RPTOR: variants seen among roughly 807,000 people sequenced by gnomAD.
RPTOR encodes regulatory-associated protein of mTOR.
In RPTOR, 21 loss-of-function variants were observed where a neutral mutation model predicts 169.9. The observed-to-expected ratio is 0.12, with a 90% CI of 0.09 to 0.18. RPTOR has a LOEUF of 0.18. RPTOR is among the 10% of genes least tolerant of loss of function. RPTOR has a pLI of 1.00. For missense variants in RPTOR, 1,133 were observed against 1,855.9 expected (o/e 0.61, Z 7.16); for synonymous variants, 732 against 753.2 (o/e 0.97, Z 0.46).
At chr17:80,610,152 C>T (rs761139642) in intron 1 of RPTOR, among the ~76,000 whole-genome samples, 1 of 152,106 alleles carries the variant, frequency 6.6e-6, no homozygotes, top group Admixed American at 6.5e-5. Flanking sequence ...CCTTTATCTC[C>T]AGCTCTTCTC....
At chr17:80,900,611 C>G (rs774329914) in intron 20 of RPTOR, among the ~76,000 whole-genome samples, 1 of 152,214 alleles carries the variant, frequency 6.6e-6, no homozygotes, top group East Asian at 1.9e-4. Context: ...CCACTGTGCT[C>G]GACTGGCCTT....
At chr17:80,685,627 A>ATTTTTTTTTTTTTTTTTT (rs1165540456) in intron 3 of RPTOR, among the ~76,000 whole-genome samples, 2 of 30,684 alleles carry the variant, frequency 6.5e-5, no homozygotes, top group Non-Finnish European at 5.4e-5. Context: ...ATATATATAT[A>ATTTTTTTTTTTTTTTTTT]TTTTTTTTTT....
chr17:80,964,291 C>T lies in RPTOR; in HGVS notation c.3969C>T (p.Tyr1323=), dbSNP rs780994948. 13 of 1,608,410 alleles carry T rather than the reference C, an allele frequency of 8.1e-6. No homozygotes were observed. The highest frequency in any genetic ancestry group is 3.3e-4 in the Middle Eastern group (2 of 6,060). ...WPHLAVGSND[Y]YISVYSVEKR... is the part of the protein sequence containing the mutation. ...ACCTGGCCGTGGGAAGCAACGACTA[C>T]TACATCTCCGTGTACTCGGTGGAGA... The change falls in exon 34 of 34, where the codon TAC becomes TAT. Residue 1323 remains tyrosine, a synonymous_variant. Coordinates refer to ENST00000306801, the MANE Select transcript of RPTOR (RefSeq NM_020761.3).
chr17:80,846,617 G>A (rs2143714323), intron 11 of RPTOR, 43 bp downstream of exon 11: 1 of 1,568,892 alleles, frequency 6.4e-7, no homozygotes, highest in Non-Finnish European at 8.8e-7. Flanking sequence ...GGTTCCTCAG[G>A]AAGGAAGCCA....
Position 80,902,493 on chromosome 17 carries a change from A to G in RPTOR, c.2402-6318A>G, listed in dbSNP as rs1159692273. On this transcript the variant is annotated intron_variant, in intron 20 of 33. Coordinates refer to ENST00000306801, the MANE Select transcript of RPTOR (RefSeq NM_020761.3). The stretch of plus-strand genomic sequence containing the variant: ...GCCTGACCCAGTACATCAAAGCATG[A>G]TGTCGCCATTTTTACCACCACAGTC... Among the ~76,000 whole-genome samples the G allele has an allele frequency of 2.0e-5, 3 of 152,186 alleles. No individual in the cohort carries two copies. The East Asian group carries it at 5.8e-4, about 29-fold the overall frequency.
At chr17:80,590,522 T>C (rs55697242) in intron 1 of RPTOR, among the ~76,000 whole-genome samples, 8 of 132,678 alleles carry the variant, frequency 6.0e-5, no homozygotes, top group African/African-American at 1.2e-4. Flanking sequence ...ATGGTTGAGC[T>C]GTGTGTTAGC....
intron 13 of RPTOR, among the ~76,000 whole-genome samples, chr17:80,869,597 A>G: frequency 6.6e-6 from 1 of 152,190 alleles, no homozygotes; most frequent in East Asian, 1.9e-4. Context: ...AGTTGTGAAC[A>G]ATTGGGAGGA....
intron 6 of RPTOR, among the ~76,000 whole-genome samples, chr17:80,758,250 T>C (rs2066700720): frequency 6.6e-6 from 1 of 152,186 alleles, no homozygotes; most frequent in African/African-American, 2.4e-5. Flanking sequence ...GCTGTTGTGT[T>C]CCCAGAGGAC....
intron 5 of RPTOR, among the ~76,000 whole-genome samples, chr17:80,745,736 C>T (rs1315127087): frequency 6.6e-6 from 1 of 152,124 alleles, no homozygotes; most frequent in Non-Finnish European, 1.5e-5. Flanking sequence ...AAAGTGTTAC[C>T]GAGGAGATGC....
chr17:80,612,769 G>A (rs1214916441), intron 1 of RPTOR, among the ~76,000 whole-genome samples: 1 of 152,200 alleles, frequency 6.6e-6, no homozygotes, highest in Non-Finnish European at 1.5e-5. Context: ...TTGGGAGGCT[G>A]AGGTGGGGGC....
chr17:80,743,015 A>C (rs2066500196), intron 5 of RPTOR, among the ~76,000 whole-genome samples: 1 of 151,966 alleles, frequency 6.6e-6, no homozygotes, highest in Non-Finnish European at 1.5e-5. Flanking sequence ...GTTCCTTTCT[A>C]ATTGGTGTTT....
chr17:80,894,250 G>A (rs1444592866), intron 20 of RPTOR, among the ~76,000 whole-genome samples: 4 of 152,196 alleles, frequency 2.6e-5, no homozygotes, highest in Non-Finnish European at 5.9e-5. Flanking sequence ...ACGAGCAACT[G>A]GGGTACAGTA....
intron 3 of RPTOR, among the ~76,000 whole-genome samples, chr17:80,693,674 C>G (rs1209946309): frequency 6.6e-6 from 1 of 152,218 alleles, no homozygotes; most frequent in Non-Finnish European, 1.5e-5. Context: ...ATCTGCCAGC[C>G]CAGACTCTGG....
At chr17:80,688,250 C>G (rs1467390279) in intron 3 of RPTOR, among the ~76,000 whole-genome samples, 2 of 152,128 alleles carry the variant, frequency 1.3e-5, no homozygotes, top group Non-Finnish European at 2.9e-5. Context: ...AGACACTATC[C>G]TCTCCACTCC....
chr17:80,554,769 A>AAAC (rs144728806), intron 1 of RPTOR, among the ~76,000 whole-genome samples: 56,070 of 147,342 alleles, frequency 0.38, 11,079 homozygotes, highest in Middle Eastern at 0.48. Flanking sequence ...AAAACAAAAC[A>AAAC]AACAACAACA....
intron 1 of RPTOR, among the ~76,000 whole-genome samples, chr17:80,600,072 T>G (rs9913181): frequency 0.34 from 51,818 of 152,000 alleles, 9,113 homozygotes; most frequent in African/African-American, 0.41. Context: ...TTCCTAAGGC[T>G]TCAGATTGAG....
intron 6 of RPTOR, among the ~76,000 whole-genome samples, chr17:80,784,964 G>A (rs2066977537): frequency 6.6e-6 from 1 of 152,146 alleles, no homozygotes; most frequent in Non-Finnish European, 1.5e-5. Flanking sequence ...AACCTCAGGT[G>A]ATCCACCCGC....
chr17:80,884,574 G>A (rs1485731150), intron 16 of RPTOR, among the ~76,000 whole-genome samples: 1 of 152,218 alleles, frequency 6.6e-6, no homozygotes. Flanking sequence ...GGCCAGCACA[G>A]TGTCGCTCCC....
At chr17:80,962,832 G>A in intron 32 of RPTOR, 96 bp from the exon 33 acceptor site, 2 of 1,565,454 alleles carry the variant, frequency 1.3e-6, no homozygotes, top group Non-Finnish European at 1.7e-6. Context: ...TGTCCCCGTG[G>A]TCTAGCCGGC....
Sources: gnomAD v4.1 joint callset for allele counts (sites outside exome capture counted in the v4.1 genomes callset) on GRCh38, gnomAD v4.1.1 for gene constraint, MANE v1.5 for transcripts, NCBI Gene and HGNC (gene_info 2026-07-23, HGNC 2026-07-21) for gene names.